The following CUX1 variants were observed in gnomAD, a reference collection of about 807,000 sequenced individuals.
CUX1 encodes protein CASP.
In CUX1, 31 loss-of-function variants were observed where a neutral mutation model predicts 158.8. The observed-to-expected ratio is 0.20, with a 90% confidence interval of 0.15 to 0.26. The LOEUF is 0.26. CUX1 is among the 10% of genes least tolerant of loss of function. CUX1 has a pLI of 1.00. For synonymous variants in CUX1, 879 were observed against 862.1 expected (o/e 1.02, Z -0.34); for missense variants, 1,589 against 2,014.6 (o/e 0.79, Z 4.04).
intron 11 of CUX1, among the ~76,000 whole-genome samples, chr7:102,181,951 T>C (rs375609086): frequency 2.0e-5 from 3 of 152,250 alleles, no homozygotes; most frequent in African/African-American, 7.2e-5. Context: ...CCTGATGCTT[T>C]TGCCATGGGG....
chr7:102,059,264 TCTC>T (rs1824495628), intron 3 of CUX1, among the ~76,000 whole-genome samples: 2 of 152,182 alleles, frequency 1.3e-5, no homozygotes, highest in Admixed American at 1.3e-4. Flanking sequence ...CTGCCACAAA[TCTC>T]CTCTATGGAT....
At chr7:102,096,264 G>A (rs1217568915) in intron 4 of CUX1, among the ~76,000 whole-genome samples, 1 of 152,244 alleles carries the variant, frequency 6.6e-6, no homozygotes, top group Non-Finnish European at 1.5e-5. Context: ...CTTGGGACCT[G>A]CGGCCGCTAA....
chr7:102,233,027 C>T (rs1444285238), intron 21 of CUX1, among the ~76,000 whole-genome samples: 1 of 152,092 alleles, frequency 6.6e-6, no homozygotes, highest in Non-Finnish European at 1.5e-5. Flanking sequence ...TGGAAGGAGA[C>T]GCAGGTTGCC....
chr7:102,227,951 C>CTTTTTTTTT (rs781968632), intron 21 of CUX1, among the ~76,000 whole-genome samples: 4 of 117,298 alleles, frequency 3.4e-5, no homozygotes, highest in Non-Finnish European at 5.0e-5. Context: ...TCTTTTTTTT[C>CTTTTTTTTT]TTTTTTTTTT....
intron 1 of CUX1, among the ~76,000 whole-genome samples, chr7:101,878,697 C>G (rs1799413563): frequency 6.6e-6 from 1 of 151,456 alleles, no homozygotes; most frequent in South Asian, 2.1e-4. Context: ...TTTTAAGAGA[C>G]AGAGTTTCAC....
intron 2 of CUX1, among the ~76,000 whole-genome samples, chr7:101,957,459 G>C (rs1301900998): frequency 1.3e-5 from 2 of 152,152 alleles, no homozygotes; most frequent in African/African-American, 4.8e-5. Context: ...GGTGGCTCAC[G>C]CCTGTAATCC....
chr7:102,269,724 C>T (rs1373630278), intron 14 of CUX1, among the ~76,000 whole-genome samples: 2 of 152,126 alleles, frequency 1.3e-5, no homozygotes, highest in African/African-American at 4.8e-5. Flanking sequence ...ACGCCCACCC[C>T]CACAGTCTTA....
chr7:102,017,632 G>T (rs556983866), intron 2 of CUX1, among the ~76,000 whole-genome samples: 5 of 152,328 alleles, frequency 3.3e-5, no homozygotes, highest in Admixed American at 2.0e-4. Context: ...GATCACCTGA[G>T]GTCAGGAGTT....
chr7:102,065,754 G>A (rs371536647), intron 3 of CUX1, among the ~76,000 whole-genome samples: 43 of 152,102 alleles, frequency 2.8e-4, no homozygotes, highest in African/African-American at 8.9e-4. Context: ...TTTTTATGCC[G>A]GTTTAGATAA....
At chr7:101,863,946 A>G (rs970933066) in intron 1 of CUX1, among the ~76,000 whole-genome samples, 6 of 152,138 alleles carry the variant, frequency 3.9e-5, no homozygotes, top group East Asian at 1.9e-4. Flanking sequence ...TTCATTCATC[A>G]ATCAGTGGAT....
chr7:102,065,194 A>G (rs560765975), intron 3 of CUX1, among the ~76,000 whole-genome samples: 36 of 151,988 alleles, frequency 2.4e-4, no homozygotes, highest in Non-Finnish European at 4.7e-4. Context: ...CGATCCTCCC[A>G]CCTCAGCCTC....
intron 2 of CUX1, among the ~76,000 whole-genome samples, chr7:101,944,072 T>A (rs1046397587): frequency 1.3e-5 from 2 of 152,098 alleles, no homozygotes; most frequent in African/African-American, 4.8e-5. Context: ...TTCAGTTGAC[T>A]GGGCTCAGCC....
At chr7:102,096,221 G>C (rs1480738137) in intron 4 of CUX1, among the ~76,000 whole-genome samples, 6 of 152,380 alleles carry the variant, frequency 3.9e-5, no homozygotes, top group African/African-American at 1.4e-4. Flanking sequence ...GCCATGCCGG[G>C]TCACCAGCTG....
intron 8 of CUX1, among the ~76,000 whole-genome samples, chr7:102,123,086 CT>C (rs1331844558): frequency 6.6e-6 from 1 of 152,062 alleles, no homozygotes; most frequent in Non-Finnish European, 1.5e-5. Flanking sequence ...CAAAAATTAG[CT>C]GGGTGTGGTG....
At chr7:101,900,041 A>G (rs1485306483) in intron 1 of CUX1, among the ~76,000 whole-genome samples, 2 of 152,198 alleles carry the variant, frequency 1.3e-5, no homozygotes. Flanking sequence ...CCCCTCAGCT[A>G]TCTTGTAGAA....
intron 2 of CUX1, among the ~76,000 whole-genome samples, chr7:102,020,243 G>A (rs904484658): frequency 2.0e-5 from 3 of 152,174 alleles, no homozygotes; most frequent in Non-Finnish European, 2.9e-5. Context: ...GGACTGGAAG[G>A]AATATGTGTT....
At chr7:101,939,850 A>G (rs1459678840) in intron 2 of CUX1, among the ~76,000 whole-genome samples, 1 of 152,062 alleles carries the variant, frequency 6.6e-6, no homozygotes, top group African/African-American at 2.4e-5. Flanking sequence ...TGGGAGGCCA[A>G]GGTGGGTGGA....
chr7:102,045,349 G>C (rs545245286), intron 3 of CUX1, among the ~76,000 whole-genome samples: 55 of 152,320 alleles, frequency 3.6e-4, no homozygotes, highest in African/African-American at 1.2e-3. Flanking sequence ...GGCAGGAGCC[G>C]TGCGCCTGTG....
chr7:102,090,085 G>A (rs573456752), intron 4 of CUX1, among the ~76,000 whole-genome samples: 1 of 152,132 alleles, frequency 6.6e-6, no homozygotes, highest in Non-Finnish European at 1.5e-5. Context: ...GAGACTCCAA[G>A]TTCTGTTAAT....
Sources: allele counts gnomAD v4.1 joint callset (sites outside exome capture counted in the v4.1 genomes callset), GRCh38; gene constraint gnomAD v4.1.1; transcripts MANE v1.5; gene names NCBI Gene and HGNC (gene_info 2026-07-23, HGNC 2026-07-21).